GRIP1: variants seen among roughly 807,000 people sequenced by gnomAD.
GRIP1 encodes glutamate receptor-interacting protein 1.
GRIP1 carries 45 observed loss-of-function variants against 129.9 expected under a neutral mutation model. That is an observed-to-expected ratio of 0.35 (90% CI 0.27 to 0.44). The LOEUF is 0.44. Ranked by LOEUF, GRIP1 falls within the 20% of genes least tolerant of loss-of-function variation. The pLI is 1.00. For missense variants in GRIP1, 1,196 were observed against 1,396.8 expected (o/e 0.86, Z 2.29); for synonymous variants, 530 against 520.8 (o/e 1.02, Z -0.24).
intron 1 of GRIP1, among the ~76,000 whole-genome samples, chr12:66,961,476 TAAGAAGTAGTTAAGTTTAAGG>T (rs1326418483): frequency 5.3e-5 from 8 of 152,298 alleles, no homozygotes; most frequent in South Asian, 2.1e-4. Flanking sequence ...AACAATGTTA[TAAGAAGTAGTTAAGTTTAAGG>T]AAGAAGTAGT....
intron 1 of GRIP1, among the ~76,000 whole-genome samples, chr12:66,964,098 A>C (rs1028452680): frequency 1.3e-5 from 2 of 152,074 alleles, no homozygotes; most frequent in Non-Finnish European, 2.9e-5. Flanking sequence ...CTATTGCAAC[A>C]ATCTCCTAAC....
chr12:66,541,457 T>G (rs2139218398), intron 3 of GRIP1, among the ~76,000 whole-genome samples: 1 of 152,378 alleles, frequency 6.6e-6, no homozygotes. Context: ...ATGGGTCATC[T>G]GTTTCACATT....
chr12:66,728,692 C>T (rs570692066), intron 1 of GRIP1, among the ~76,000 whole-genome samples: 5 of 152,250 alleles, frequency 3.3e-5, no homozygotes, highest in Admixed American at 2.6e-4. Flanking sequence ...ACAATTCTTA[C>T]TATGTTGAGA....
intron 1 of GRIP1, among the ~76,000 whole-genome samples, chr12:66,842,268 A>G (rs1257275777): frequency 6.6e-6 from 1 of 152,096 alleles, no homozygotes. Flanking sequence ...ATTGTTATGT[A>G]TAATTTTATA....
chr12:66,924,956 C>T (rs1049490454), intron 1 of GRIP1, among the ~76,000 whole-genome samples: 4 of 151,896 alleles, frequency 2.6e-5, no homozygotes, highest in African/African-American at 7.3e-5. Context: ...GGCGACAGAG[C>T]GAGACTCCGT....
chr12:66,966,122 T>C (rs892054150), intron 1 of GRIP1, among the ~76,000 whole-genome samples: 5 of 152,170 alleles, frequency 3.3e-5, no homozygotes, highest in Non-Finnish European at 5.9e-5. Flanking sequence ...ACTGTTGTTC[T>C]TGCATATATT....
chr12:67,057,692 A>G (rs1385468685), intron 1 of GRIP1, among the ~76,000 whole-genome samples: 2 of 152,216 alleles, frequency 1.3e-5, no homozygotes, highest in African/African-American at 2.4e-5. Flanking sequence ...TTATATGTAT[A>G]TCAGCATTCA....
chr12:66,476,938 A>C (rs1428789208), intron 7 of GRIP1, among the ~76,000 whole-genome samples: 1 of 152,148 alleles, frequency 6.6e-6, no homozygotes, highest in Non-Finnish European at 1.5e-5. Flanking sequence ...ATGGGCAAAA[A>C]CTGGAAGCAT....
chr12:66,507,898 G>C (rs2060584519), intron 7 of GRIP1, among the ~76,000 whole-genome samples: 1 of 152,080 alleles, frequency 6.6e-6, no homozygotes, highest in South Asian at 2.1e-4. Context: ...CGCATCCTCA[G>C]TATCTAAGAC....
At chr12:66,535,278 T>G (rs2061573497) in intron 4 of GRIP1, among the ~76,000 whole-genome samples, 1 of 152,158 alleles carries the variant, frequency 6.6e-6, no homozygotes, top group Admixed American at 6.6e-5. Context: ...TCAAAGAGCA[T>G]TAGCTCTAGA....
intron 24 of GRIP1, among the ~76,000 whole-genome samples, chr12:66,352,560 C>A (rs570766735): frequency 6.6e-6 from 1 of 151,944 alleles, no homozygotes; most frequent in African/African-American, 2.4e-5. Flanking sequence ...TGGTGAAACA[C>A]GGTCTCTACT....
At chr12:66,862,064 A>G (rs2040121910) in intron 1 of GRIP1, among the ~76,000 whole-genome samples, 1 of 152,130 alleles carries the variant, frequency 6.6e-6, no homozygotes, top group Admixed American at 6.6e-5. Flanking sequence ...AACTGGACAC[A>G]TTAAAGAATA....
At chr12:66,706,101 C>A (rs951162207) in intron 1 of GRIP1, among the ~76,000 whole-genome samples, 1 of 152,144 alleles carries the variant, frequency 6.6e-6, no homozygotes, top group African/African-American at 2.4e-5. Flanking sequence ...AAGAAACTAG[C>A]ATCAGAGTGA....
At chr12:66,480,091 A>G (rs1218412414) in intron 7 of GRIP1, among the ~76,000 whole-genome samples, 1 of 152,174 alleles carries the variant, frequency 6.6e-6, no homozygotes, top group Admixed American at 6.6e-5. Flanking sequence ...AGAGAAAGAA[A>G]TAACGGGTAT....
intron 1 of GRIP1, among the ~76,000 whole-genome samples, chr12:67,005,964 T>C (rs2042619955): frequency 6.6e-6 from 1 of 152,180 alleles, no homozygotes; most frequent in African/African-American, 2.4e-5. Flanking sequence ...AATCTGCCCG[T>C]TAAACCTTAA....
At position 67,060,853 on chromosome 12, in the gene GRIP1, GCAGTGGAGAGCTGC is replaced by G. The variant is rs570792102; in HGVS notation, c.58+8183_58+8196del. ...AAAAAAAAAAAAAAAAAATGTGTTG[GCAGTGGAGAGCTGC>G]AAGAATTTTTTCTCCCTTCAAAAGG... On this transcript the variant is annotated intron_variant, in intron 1 of 1. Transcript: ENST00000643019. Among the ~76,000 whole-genome samples, 1,408 of 147,792 alleles carry G rather than the reference GCAGTGGAGAGCTGC, an allele frequency of 9.5e-3. 27 individuals carry two copies. The highest frequency in any genetic ancestry group is 0.034 in the African/African-American group (1,350 of 40,042).
At chr12:66,832,127 A>T (rs186969245) in intron 1 of GRIP1, among the ~76,000 whole-genome samples, 14 of 152,314 alleles carry the variant, frequency 9.2e-5, no homozygotes, top group Middle Eastern at 6.8e-3. Flanking sequence ...ACACCTTGCT[A>T]CTAAATCATT....
At chr12:66,395,817 G>A (rs191357353) in intron 16 of GRIP1, among the ~76,000 whole-genome samples, 261 of 152,314 alleles carry the variant, frequency 1.7e-3, no homozygotes, top group Middle Eastern at 0.01. Context: ...GCCTAAAACA[G>A]CTCTGTTTGC....
intron 2 of GRIP1, among the ~76,000 whole-genome samples, chr12:66,578,115 T>C (rs1373954522): frequency 6.6e-6 from 1 of 151,994 alleles, no homozygotes; most frequent in Non-Finnish European, 1.5e-5. Flanking sequence ...ATATAAAATA[T>C]TCTGGGACAG....
Sources: gnomAD v4.1 joint callset for allele counts (sites outside exome capture counted in the v4.1 genomes callset) on GRCh38, gnomAD v4.1.1 for gene constraint, MANE v1.5 for transcripts, NCBI Gene and HGNC (gene_info 2026-07-23, HGNC 2026-07-21) for gene names.